LPP: variants seen among roughly 807,000 people sequenced by gnomAD.
The protein encoded by LPP is lipoma-preferred partner.
Under a neutral mutation model 60.4 loss-of-function variants are expected in LPP, and 38 were observed. The observed-to-expected ratio is 0.63, with a 90% CI of 0.49 to 0.83. The LOEUF (loss-of-function observed/expected upper bound fraction) is 0.83, where lower values mean the gene tolerates loss of function less well. Ranked by LOEUF, LPP falls within the 40% of genes least tolerant of loss-of-function variation. The probability of loss-of-function intolerance (pLI) is 0.00; values close to 1 mark genes in which losing one functional copy is unlikely to be tolerated. For missense variants in LPP, 902 were observed against 783.6 expected (o/e 1.15, Z -1.80); for synonymous variants, 328 against 290.8 (o/e 1.13, Z -1.30).
chr3:188,762,889 C>T (rs944620661), intron 9 of LPP, among the ~76,000 whole-genome samples: 11 of 152,040 alleles, frequency 7.2e-5, no homozygotes, highest in Middle Eastern at 3.4e-3. Flanking sequence ...TTAAGCTTTA[C>T]CAAAGACCCT....
At chr3:188,402,082 G>A (rs942040171) in intron 3 of LPP, among the ~76,000 whole-genome samples, 1 of 152,112 alleles carries the variant, frequency 6.6e-6, no homozygotes, top group Non-Finnish European at 1.5e-5. Context: ...GAAGTTACTG[G>A]CAATATGATT....
intron 5 of LPP, among the ~76,000 whole-genome samples, chr3:188,497,315 TC>T (rs1019201816): frequency 1.3e-5 from 2 of 152,202 alleles, no homozygotes; most frequent in African/African-American, 4.8e-5. Context: ...GTATGATAAT[TC>T]CACATGTCCT....
intron 5 of LPP, among the ~76,000 whole-genome samples, chr3:188,515,320 G>T (rs1347489466): frequency 1.3e-5 from 2 of 152,060 alleles, no homozygotes; most frequent in African/African-American, 2.4e-5. Flanking sequence ...CATATGACAT[G>T]GTAGCTCCCT....
chr3:188,736,715 C>T (rs1206892914), intron 8 of LPP, among the ~76,000 whole-genome samples: 1 of 151,428 alleles, frequency 6.6e-6, no homozygotes, highest in Non-Finnish European at 1.5e-5. Flanking sequence ...GTAATAGATA[C>T]ATAGATGGAT....
At chr3:188,478,970 T>C (rs1314860391) in intron 4 of LPP, among the ~76,000 whole-genome samples, 1 of 152,218 alleles carries the variant, frequency 6.6e-6, no homozygotes, top group African/African-American at 2.4e-5. Flanking sequence ...CCCAGGCTGG[T>C]CTTGAACTCC....
intron 2 of LPP, among the ~76,000 whole-genome samples, chr3:188,329,153 A>G (rs544285902): frequency 6.6e-6 from 1 of 152,332 alleles, no homozygotes; most frequent in East Asian, 1.9e-4. Context: ...GTCACACATT[A>G]ACAGCCACTC....
At chr3:188,256,867 G>T (rs1019289809) in intron 2 of LPP, among the ~76,000 whole-genome samples, 1 of 152,148 alleles carries the variant, frequency 6.6e-6, no homozygotes, top group African/African-American at 2.4e-5. Flanking sequence ...AGGTACACAT[G>T]CATACGTGTG....
intron 5 of LPP, among the ~76,000 whole-genome samples, chr3:188,502,724 T>G (rs1195579737): frequency 6.6e-6 from 1 of 152,178 alleles, no homozygotes; most frequent in African/African-American, 2.4e-5. Context: ...TAAAATGCAT[T>G]TAATATACCT....
chr3:188,546,318 G>C (rs1294181732), intron 6 of LPP, among the ~76,000 whole-genome samples: 1 of 152,132 alleles, frequency 6.6e-6, no homozygotes. Context: ...TTTATGCCAT[G>C]CTGTTACTAA....
chr3:188,161,327 C>T lies in LPP; in HGVS notation c.-190+7075C>T, dbSNP rs563586461. Among the ~76,000 whole-genome samples the T allele has an allele frequency of 2.6e-5, 4 of 152,252 alleles. No individual in the cohort carries two copies. In the East Asian group the frequency reaches 7.7e-4, roughly 29 times the overall value. On this transcript the variant is annotated intron_variant, in intron 1 of 11. Transcript: ENST00000617246. Reference sequence around the variant, plus strand: ...CAGGACAGGAGAAATGGGCCTGTATCGGGTCAGCAGCGTACGGAGGGAAAA... The same window carrying T: ...CAGGACAGGAGAAATGGGCCTGTATTGGGTCAGCAGCGTACGGAGGGAAAA...
At chr3:188,242,754 A>G (rs755390367) in intron 2 of LPP, among the ~76,000 whole-genome samples, 10 of 152,190 alleles carry the variant, frequency 6.6e-5, no homozygotes, top group Non-Finnish European at 1.2e-4. Context: ...ACATCTGATA[A>G]TCACTTACCT....
intron 6 of LPP, among the ~76,000 whole-genome samples, chr3:188,589,085 T>C (rs747735820): frequency 7.2e-5 from 11 of 152,140 alleles, no homozygotes; most frequent in Non-Finnish European, 1.6e-4. Context: ...GCTGAGCTGC[T>C]GTGCTTAGTA....
At chr3:188,231,693 C>T (rs1025806615) in intron 2 of LPP, among the ~76,000 whole-genome samples, 25 of 151,826 alleles carry the variant, frequency 1.6e-4, no homozygotes, top group African/African-American at 6.0e-4. Flanking sequence ...CTCTGTGCCC[C>T]GCCTTCCACC....
intron 4 of LPP, among the ~76,000 whole-genome samples, chr3:188,424,979 A>G (rs1440793732): frequency 6.6e-6 from 1 of 152,150 alleles, no homozygotes; most frequent in Non-Finnish European, 1.5e-5. Flanking sequence ...TTCCAATACT[A>G]TGTTGAATAG....
chr3:188,840,450 C>T (rs201481360), intron 9 of LPP, among the ~76,000 whole-genome samples: 1 of 152,148 alleles, frequency 6.6e-6, no homozygotes, highest in East Asian at 1.9e-4. Flanking sequence ...TTGTAGAGGG[C>T]TGGACTTTGG....
chr3:188,504,536 T>C (rs953279345), intron 5 of LPP, among the ~76,000 whole-genome samples: 10 of 152,174 alleles, frequency 6.6e-5, no homozygotes, highest in African/African-American at 2.4e-4. Context: ...TATTTGAAAC[T>C]AATAATGTAG....
At chr3:188,655,825 C>T (rs1853063655) in intron 7 of LPP, among the ~76,000 whole-genome samples, 1 of 151,990 alleles carries the variant, frequency 6.6e-6, no homozygotes, top group East Asian at 1.9e-4. Context: ...CAAAACCTAC[C>T]ATATGCAGCT....
intron 7 of LPP, among the ~76,000 whole-genome samples, chr3:188,640,877 G>T (rs1229985250): frequency 1.3e-5 from 2 of 152,154 alleles, no homozygotes; most frequent in Non-Finnish European, 2.9e-5. Flanking sequence ...TTCCCATACA[G>T]AAATTACTAT....
chr3:188,396,453 GT>G (rs887375947), intron 3 of LPP, among the ~76,000 whole-genome samples: 23 of 152,154 alleles, frequency 1.5e-4, no homozygotes, highest in Admixed American at 1.5e-3. Flanking sequence ...GTGTTTACAT[GT>G]TTTAATACAA....
Sources: allele counts gnomAD v4.1 joint callset (sites outside exome capture counted in the v4.1 genomes callset), GRCh38; gene constraint gnomAD v4.1.1; transcripts MANE v1.5; gene names NCBI Gene and HGNC (gene_info 2026-07-23, HGNC 2026-07-21).